Variants in ABCB5 observed in about 807,000 individuals in gnomAD.
ABCB5 encodes the protein ATP-binding cassette sub-family B member 5.
A neutral mutation model predicts 144.2 loss-of-function variants in ABCB5; 155 were observed. That is an observed-to-expected ratio of 1.08 (90% CI 0.94 to 1.23). The LOEUF is 1.23. ABCB5 is among the 50% of genes most tolerant of loss of function. The probability of loss-of-function intolerance (pLI) is 0.00; values close to 1 mark genes in which losing one functional copy is unlikely to be tolerated. For missense variants in ABCB5, 1,830 were observed against 1,520.8 expected (o/e 1.20, Z -3.38); for synonymous variants, 610 against 528.6 (o/e 1.15, Z -2.11).
chr7:20,748,389 C>T (rs1782797652), intron 26 of ABCB5, among the ~76,000 whole-genome samples: 1 of 151,588 alleles, frequency 6.6e-6, no homozygotes. Flanking sequence ...GTGGCTCACA[C>T]CTGTAATCCT....
intron 16 of ABCB5, among the ~76,000 whole-genome samples, chr7:20,694,254 A>G (rs1317595639): frequency 6.6e-6 from 1 of 152,058 alleles, no homozygotes; most frequent in East Asian, 1.9e-4. Flanking sequence ...TAATCCAACC[A>G]TATAGAAAAA....
intron 20 of ABCB5, among the ~76,000 whole-genome samples, chr7:20,713,213 T>G (rs1189541440): frequency 6.7e-6 from 1 of 149,212 alleles, no homozygotes; most frequent in Admixed American, 6.7e-5. Context: ...ATAGGTCTTA[T>G]TTTGCCACTT....
At chr7:20,732,884 C>T (rs966656118) in intron 23 of ABCB5, among the ~76,000 whole-genome samples, 1 of 152,142 alleles carries the variant, frequency 6.6e-6, no homozygotes, top group South Asian at 2.1e-4. Flanking sequence ...AAATGACACC[C>T]GTTAGGATGT....
At chr7:20,680,990 CTT>C (rs1241818614) in intron 14 of ABCB5, among the ~76,000 whole-genome samples, 8 of 15,498 alleles carry the variant, frequency 5.2e-4, no homozygotes, top group South Asian at 3.4e-3. Context: ...TTCTTTCTTT[CTT>C]TCTTTCTTTC....
chr7:20,693,627 A>G (rs538810891), intron 16 of ABCB5, among the ~76,000 whole-genome samples: 4 of 152,218 alleles, frequency 2.6e-5, no homozygotes. Context: ...TTGTACCACT[A>G]AACACCTATA....
intron 23 of ABCB5, among the ~76,000 whole-genome samples, chr7:20,736,382 T>A (rs1166146715): frequency 6.6e-6 from 1 of 152,100 alleles, no homozygotes; most frequent in Non-Finnish European, 1.5e-5. Flanking sequence ...CACACCCAGC[T>A]AATTTTTGTA....
At chr7:20,713,918 T>C (rs1781580613) in intron 20 of ABCB5, among the ~76,000 whole-genome samples, 1 of 130,112 alleles carries the variant, frequency 7.7e-6, no homozygotes, top group African/African-American at 2.9e-5. Context: ...CTGCAAACTC[T>C]AGCTGACTTA....
intron 23 of ABCB5, among the ~76,000 whole-genome samples, chr7:20,729,556 T>C (rs1033156216): frequency 6.6e-6 from 1 of 152,216 alleles, no homozygotes; most frequent in Non-Finnish European, 1.5e-5. Context: ...ATGAATTTAT[T>C]TGTTTTACCG....
chr7:20,674,611 T>G (rs1785546775), intron 14 of ABCB5, among the ~76,000 whole-genome samples: 1 of 151,542 alleles, frequency 6.6e-6, no homozygotes, highest in South Asian at 2.1e-4. Context: ...CTATAGTACC[T>G]CTTACCACTT....
In ABCB5 at chr7:20,651,513, A is replaced by C; in HGVS notation, c.1426A>C (p.Thr476Pro). Residue 476 changes from threonine to proline, a missense_variant, in exon 13 of 28, where the codon ACC becomes CCC. By Grantham distance (38) the Thr-to-Pro change is conservative. Coordinates refer to ENST00000404938, the MANE Select transcript of ABCB5 (RefSeq NM_001163941.2). ...VVSQEPVLFGTTISNNIKYGR... is the reference protein window; with the variant it reads ...VVSQEPVLFGPTISNNIKYGR... ...TAGTCAAGAGCCTGTTTTGTTCGGG[A>C]CCACCATCAGTAACAATATCAAGTA... The C allele has an allele frequency of 6.2e-7, 1 of 1,614,094 alleles. No individual in the cohort carries two copies. The highest frequency in any genetic ancestry group is 8.5e-7 in the Non-Finnish European group (1 of 1,180,000).
intron 5 of ABCB5, among the ~76,000 whole-genome samples, chr7:20,635,274 A>G (rs1050087085): frequency 6.6e-6 from 1 of 151,858 alleles, no homozygotes; most frequent in Non-Finnish European, 1.5e-5. Flanking sequence ...GTCTATTATT[A>G]TACCAGTACC....
intron 23 of ABCB5, among the ~76,000 whole-genome samples, chr7:20,736,626 G>T (rs1782386547): frequency 6.6e-6 from 1 of 152,200 alleles, no homozygotes; most frequent in African/African-American, 2.4e-5. Flanking sequence ...TTGTTGGCCT[G>T]TACATTTCTC....
intron 23 of ABCB5, among the ~76,000 whole-genome samples, chr7:20,729,003 A>C (rs1782128183): frequency 6.6e-6 from 1 of 152,198 alleles, no homozygotes; most frequent in South Asian, 2.1e-4. Flanking sequence ...TATTCATATG[A>C]TGTTTAATGA....
At chr7:20,704,249 G>A (rs1350608225) in intron 19 of ABCB5, among the ~76,000 whole-genome samples, 1 of 151,566 alleles carries the variant, frequency 6.6e-6, no homozygotes, top group Non-Finnish European at 1.5e-5. Flanking sequence ...GCTAATGTTT[G>A]TGTTTTTTGT....
intron 16 of ABCB5, 30 bp from the exon 17 acceptor site, chr7:20,698,377 G>C: frequency 6.5e-7 from 1 of 1,537,452 alleles, no homozygotes; most frequent in Non-Finnish European, 8.7e-7. Context: ...ACACAAACTG[G>C]CATTTTTAAC....
At chr7:20,657,224 T>C (rs7784984) in intron 13 of ABCB5, among the ~76,000 whole-genome samples, 13,757 of 152,226 alleles carry the variant, frequency 0.09, 709 homozygotes, top group South Asian at 0.14. Context: ...GTGATAGATC[T>C]AGAGTTGCCA....
At chr7:20,659,190 T>G (rs1057181301) in intron 14 of ABCB5, 3 of 1,610,254 alleles carry the variant, frequency 1.9e-6, no homozygotes, top group Non-Finnish European at 2.5e-6. Flanking sequence ...GCCTATGAGC[T>G]ACTGCACATA....
intron 14 of ABCB5, 34 bp from the exon 15 acceptor site, chr7:20,681,471 T>A: frequency 6.2e-7 from 1 of 1,608,320 alleles, no homozygotes; most frequent in Non-Finnish European, 8.5e-7. Context: ...TTTCTACTAA[T>A]GTCTATTTAT....
Position 20,691,278 on chromosome 7 carries a change from G to A in ABCB5, c.2010+5442G>A, listed in dbSNP as rs183709411. 1.1e-4 allele frequency among the ~76,000 whole-genome samples: 15 copies of A among 131,758 alleles called. No homozygotes were observed. The East Asian group carries it at 3.9e-3, about 34-fold the overall frequency. 86.4% of individuals were successfully genotyped at this position (131,758 alleles called of 152,430 possible). ...CGGCTCACCGCAAACTCCGCCTCCC[G>A]AAACTCAGTGGACTTTGAGTTGAGG... is the stretch of plus-strand genomic sequence containing the variant. On this transcript the variant is annotated intron_variant, in intron 16 of 27. Transcript: ENST00000404938.
Sources: allele counts gnomAD v4.1 joint callset (sites outside exome capture counted in the v4.1 genomes callset), GRCh38; gene constraint gnomAD v4.1.1; transcripts MANE v1.5; gene names NCBI Gene and HGNC (gene_info 2026-07-23, HGNC 2026-07-21).